PIAS2: variants seen among roughly 807,000 people sequenced by gnomAD.
The protein encoded by PIAS2 is protein inhibitor of activated STAT 2, also known as E3 SUMO-protein ligase PIAS2.
Under a neutral mutation model 69.7 loss-of-function variants are expected in PIAS2, and 19 were observed. The observed-to-expected ratio is 0.27, with a 90% CI of 0.19 to 0.40. PIAS2 has a LOEUF of 0.40. Ranked by LOEUF, PIAS2 falls within the 10% of genes least tolerant of loss-of-function variation. PIAS2 has a pLI of 1.00. For synonymous variants in PIAS2, 261 were observed against 263.2 expected, an observed-to-expected ratio of 0.99 and a Z score of 0.08; for missense variants, 624 against 757.0, an observed-to-expected ratio of 0.82 and a Z score of 2.06.
At chr18:46,861,678 G>A (rs544933875) in intron 3 of PIAS2, among the ~76,000 whole-genome samples, 6 of 152,110 alleles carry the variant, frequency 3.9e-5, no homozygotes, top group Admixed American at 2.6e-4. Context: ...AACATCAGCC[G>A]TACCCCCAAA....
chr18:46,915,132 A>C (rs2057675428), intron 1 of PIAS2: 1 of 152,076 alleles, frequency 6.6e-6, no homozygotes, highest in South Asian at 2.1e-4. Flanking sequence ...TCTAAAAGCT[A>C]CATGTCTAAG....
chr18:46,893,501 C>CA, intron 1 of PIAS2: 1 of 978,176 alleles, frequency 1.0e-6, no homozygotes, highest in Non-Finnish European at 1.2e-6. Context: ...CATTATTTGG[C>CA]AAAGGATGTT....
rs138431998 is a variant in PIAS2 at position 46,912,327 on chromosome 18, C to A, written c.24+4995G>T. 8.1e-3 allele frequency among the ~76,000 whole-genome samples: 1,230 copies of A among 152,272 alleles called. 9 individuals are homozygous for A. Among genetic ancestry groups the A allele is most frequent in the Non-Finnish European group, 0.013 (896 of 68,020 alleles). On this transcript the variant is annotated intron_variant, in intron 1 of 13. Coordinates refer to ENST00000585916, the MANE Select transcript of PIAS2 (RefSeq NM_004671.5). ...ACACATCCTCCTACGTACTTTACAT[C>A]ATTTCTAGTTTACAATACCTAATAT...
chr18:46,917,631 C>CCTGCCCCGGCGTG, upstream of PIAS2: 6 of 863,898 alleles, frequency 6.9e-6, no homozygotes, highest in Non-Finnish European at 8.4e-6. Context: ...CCCGCCCGCG[C>CCTGCCCCGGCGTG]CTGCCCCGGC....
At chr18:46,855,103 TAAAAAAAAAA>T (rs59957336) in intron 5 of PIAS2, among the ~76,000 whole-genome samples, 13 of 76,346 alleles carry the variant, frequency 1.7e-4, no homozygotes, top group East Asian at 1.6e-3. Flanking sequence ...CTTGTCTCTT[TAAAAAAAAAA>T]AAAAAAAAAA....
At position 46,810,550 on chromosome 18, in the gene PIAS2, T is replaced by C. The variant is rs1440711268; in HGVS notation, c.*1883A>G. On this transcript the variant is annotated 3_prime_UTR_variant, in exon 14 of 14. Transcript: ENST00000585916. ...ACTAAGAAGGTAAAACTGGCAACTATGTGCAACTACTGCTCGTAGATTTGG... is the reference window on the plus strand; with the variant it reads ...ACTAAGAAGGTAAAACTGGCAACTACGTGCAACTACTGCTCGTAGATTTGG... The C allele has an allele frequency of 6.6e-6, 1 of 152,154 alleles. No individual in the cohort carries two copies. Among genetic ancestry groups the C allele is most frequent in the Admixed American group, 6.5e-5 (1 of 15,282 alleles). 9.4% of individuals were successfully genotyped at this position (152,154 alleles called of 1,614,324 possible).
intron 3 of PIAS2, among the ~76,000 whole-genome samples, chr18:46,859,302 C>T (rs534334316): frequency 1.2e-3 from 177 of 152,028 alleles, no homozygotes; most frequent in African/African-American, 3.8e-3. Flanking sequence ...GTGGTGGGTG[C>T]CTGTAGTCCC....
upstream of PIAS2, among the ~76,000 whole-genome samples, chr18:46,919,598 GCGATCGCAC>G (rs2058410964): frequency 6.6e-6 from 1 of 152,168 alleles, no homozygotes; most frequent in Admixed American, 6.5e-5. Flanking sequence ...GCAGTGAGCT[GCGATCGCAC>G]CATTGCACTC....
chr18:46,822,043 A>T (rs2042233889), intron 11 of PIAS2, among the ~76,000 whole-genome samples: 1 of 152,152 alleles, frequency 6.6e-6, no homozygotes, highest in South Asian at 2.1e-4. Flanking sequence ...GATGGTGGGA[A>T]CCATGGTCAC....
Position 46,812,380 on chromosome 18 carries a change from T to A in PIAS2, c.*53A>T. On this transcript the variant is annotated 3_prime_UTR_variant, in exon 14 of 14. Coordinates refer to ENST00000585916, the MANE Select transcript of PIAS2 (RefSeq NM_004671.5). ...AAAGAACGTTTCCACAGACTAGAGA[T>A]CCAAGAAAAAGCAGTTCTGATGAAT... 2 of 1,037,420 alleles carry A rather than the reference T, an allele frequency of 1.9e-6. No homozygotes were observed. The highest frequency in any genetic ancestry group is 1.6e-5 in the South Asian group (1 of 62,280). 64.3% of individuals were successfully genotyped at this position (1,037,420 alleles called of 1,614,324 possible).
Position 46,818,588 on chromosome 18 carries a change from C to A in PIAS2, c.1648+2345G>T. 4 of 656,630 alleles carry A rather than the reference C, an allele frequency of 6.1e-6. No individual in the cohort carries two copies. The South Asian group carries it at 2.1e-4, about 34-fold the overall frequency. The allele number at this position is 656,630 out of a possible 1,614,324, so 40.7% of individuals were successfully genotyped here. ...TAAGTTTATCAATACCAAAACTCTT[C>A]ACAGTATGACTAACTACATAAAAAT... On this transcript the variant is annotated intron_variant, in intron 12 of 13. Transcript: ENST00000585916.
chr18:46,881,143 C>T (rs1457489504), intron 2 of PIAS2, among the ~76,000 whole-genome samples: 1 of 152,186 alleles, frequency 6.6e-6, no homozygotes, highest in African/African-American at 2.4e-5. Context: ...CAGTCTCCCA[C>T]CAGTGTGGAG....
chr18:46,811,788 C>T lies in PIAS2; in HGVS notation c.*645G>A, dbSNP rs779039483. On this transcript the variant is annotated 3_prime_UTR_variant, in exon 14 of 14. Transcript: ENST00000585916. ...TCACACAGCACTCATTAGCAAACAA[C>T]GTCAAAGTGTAAATGATAAGCAGGA... is the stretch of plus-strand genomic sequence containing the variant. 1 of 152,138 alleles carries T rather than the reference C, an allele frequency of 6.6e-6. No individual in the cohort carries two copies. Among genetic ancestry groups the T allele is most frequent in the Non-Finnish European group, 1.5e-5 (1 of 68,034 alleles). 9.4% of individuals were successfully genotyped at this position (152,138 alleles called of 1,614,324 possible). A position where few individuals can be genotyped will look rare whatever the true frequency, so the allele number is the denominator to read the frequency against.
At chr18:46,845,422 ATAAAT>A (rs1268530298) in intron 6 of PIAS2, among the ~76,000 whole-genome samples, 2 of 152,156 alleles carry the variant, frequency 1.3e-5, no homozygotes, top group Non-Finnish European at 2.9e-5. Flanking sequence ...GAAAGCTTTG[ATAAAT>A]TAACTCCTGT....
At chr18:46,854,510 T>G (rs1016912687) in intron 5 of PIAS2, among the ~76,000 whole-genome samples, 6 of 152,232 alleles carry the variant, frequency 3.9e-5, no homozygotes, top group Non-Finnish European at 5.9e-5. Flanking sequence ...TCTTACAGAA[T>G]GGTACCAATT....
chr18:46,881,087 G>A (rs2052160782), intron 2 of PIAS2, among the ~76,000 whole-genome samples: 1 of 152,076 alleles, frequency 6.6e-6, no homozygotes, highest in South Asian at 2.1e-4. Flanking sequence ...CCTACTGAAA[G>A]CCTATTATAA....
Position 46,808,844 on chromosome 18 carries a change from A to T in PIAS2, c.*3589T>A, listed in dbSNP as rs1302541094. On this transcript the variant is annotated 3_prime_UTR_variant, in exon 14 of 14. Transcript: ENST00000585916. ...TGCTTTTTTTTTTTTTTTTTTTTTT[A>T]AACCAACTGAAGGCCAGAGAAATGA... 2.2e-5 allele frequency: 3 copies of T among 135,360 alleles called. No individual in the cohort carries two copies. Among genetic ancestry groups the T allele is most frequent in the Non-Finnish European group, 3.1e-5 (2 of 64,066 alleles). 8.4% of individuals were successfully genotyped at this position (135,360 alleles called of 1,614,324 possible). A position where few individuals can be genotyped will look rare whatever the true frequency, so the allele number is the denominator to read the frequency against.
In PIAS2 at chr18:46,814,736, T is replaced by C. The variant is rs1429218991; in HGVS notation, c.1686+576A>G. Among the ~76,000 whole-genome samples, 2 of 152,224 alleles carry C rather than the reference T, an allele frequency of 1.3e-5. 1 individual carries two copies. Among genetic ancestry groups the C allele is most frequent in the Non-Finnish European group, 2.9e-5 (2 of 68,042 alleles). On this transcript the variant is annotated intron_variant, in intron 13 of 13. Coordinates refer to ENST00000585916, the MANE Select transcript of PIAS2 (RefSeq NM_004671.5). ...GCCTTCTCCTCCTCTGCTCTGCCTC[T>C]GCTATAAGCCTGTCTGTGCAATCCA... is the stretch of plus-strand genomic sequence containing the variant.
intron 3 of PIAS2, among the ~76,000 whole-genome samples, chr18:46,860,437 C>A (rs900341214): frequency 6.6e-6 from 1 of 152,182 alleles, no homozygotes; most frequent in Admixed American, 6.5e-5. Context: ...CCCTGGAGAA[C>A]TGATCAATTC....
Sources: allele counts gnomAD v4.1 joint callset (sites outside exome capture counted in the v4.1 genomes callset), GRCh38; gene constraint gnomAD v4.1.1; transcripts MANE v1.5; gene names NCBI Gene and HGNC (gene_info 2026-07-23, HGNC 2026-07-21).